RBFOX1: variants seen among roughly 807,000 people sequenced by gnomAD.
The protein encoded by RBFOX1 is RNA binding fox-1 homolog 1, also known as RNA binding protein fox-1 homolog 1.
A neutral mutation model predicts 57.7 loss-of-function variants in RBFOX1; 8 were observed. That is an observed-to-expected ratio of 0.14 (90% CI 0.08 to 0.25). The LOEUF is 0.25. RBFOX1 is among the 10% of genes least tolerant of loss of function. The probability of loss-of-function intolerance (pLI) is 1.00; values close to 1 mark genes in which losing one functional copy is unlikely to be tolerated. For missense variants in RBFOX1, 611 were observed against 548.5 expected, an observed-to-expected ratio of 1.11 and a Z score of -1.14; for synonymous variants, 326 against 222.4, an observed-to-expected ratio of 1.47 and a Z score of -4.15.
At chr16:6,439,230 A>G (rs561713280) in intron 2 of RBFOX1, among the ~76,000 whole-genome samples, 2 of 152,332 alleles carry the variant, frequency 1.3e-5, no homozygotes, top group South Asian at 2.1e-4. Context: ...GGCAGGGCAG[A>G]TAGCACATCC....
intron 1 of RBFOX1, among the ~76,000 whole-genome samples, chr16:6,247,853 G>A (rs1403265178): frequency 6.6e-6 from 1 of 152,200 alleles, no homozygotes; most frequent in Non-Finnish European, 1.5e-5. Context: ...CTCTGGCTCT[G>A]ATGATAGGAA....
intron 1 of RBFOX1, among the ~76,000 whole-genome samples, chr16:6,052,739 G>C (rs959530563): frequency 4.0e-5 from 6 of 151,374 alleles, no homozygotes; most frequent in African/African-American, 7.3e-5. Context: ...AGCCGAGATC[G>C]CGCCACTGCA....
At chr16:5,928,434 G>A (rs112377408) in intron 4 of RBFOX1, among the ~76,000 whole-genome samples, 5,147 of 151,896 alleles carry the variant, frequency 0.034, 136 homozygotes, top group Admixed American at 0.05. Flanking sequence ...AAGTATGTGA[G>A]ATGATGGATA....
intron 1 of RBFOX1, among the ~76,000 whole-genome samples, chr16:6,292,464 T>A (rs1271342600): frequency 6.6e-6 from 1 of 151,966 alleles, no homozygotes; most frequent in Non-Finnish European, 1.5e-5. Flanking sequence ...AGTTCTTCAA[T>A]AATTCAGTGT....
chr16:6,375,330 C>A (rs1009525069), intron 2 of RBFOX1, among the ~76,000 whole-genome samples: 2 of 151,690 alleles, frequency 1.3e-5, no homozygotes, highest in Non-Finnish European at 2.9e-5. Flanking sequence ...TTCCCTGTGT[C>A]ATTTCTCTTT....
intron 1 of RBFOX1, among the ~76,000 whole-genome samples, chr16:6,072,357 G>C (rs1203999020): frequency 6.6e-6 from 1 of 152,096 alleles, no homozygotes; most frequent in Non-Finnish European, 1.5e-5. Context: ...TCTGTCATTG[G>C]ACACTTAGGT....
intron 2 of RBFOX1, among the ~76,000 whole-genome samples, chr16:6,526,893 G>A (rs796595010): frequency 1.0e-4 from 15 of 145,322 alleles, no homozygotes; most frequent in African/African-American, 3.6e-4. Flanking sequence ...TAAGAGGTAG[G>A]TATTATTACT....
chr16:7,308,340 C>T (rs2096241079), intron 4 of RBFOX1, among the ~76,000 whole-genome samples: 1 of 145,038 alleles, frequency 6.9e-6, no homozygotes, highest in African/African-American at 2.5e-5. Flanking sequence ...GAAAGAGGAT[C>T]AGTAGCATAT....
chr16:5,782,045 A>G (rs1242282002), intron 3 of RBFOX1, among the ~76,000 whole-genome samples: 1 of 152,196 alleles, frequency 6.6e-6, no homozygotes, highest in Non-Finnish European at 1.5e-5. Context: ...CGTCTCTACT[A>G]AAAATAGAGA....
chr16:5,712,530 A>G (rs1157908592), intron 3 of RBFOX1, among the ~76,000 whole-genome samples: 1 of 152,200 alleles, frequency 6.6e-6, no homozygotes, highest in Non-Finnish European at 1.5e-5. Context: ...CTCTCAGAGA[A>G]TGACTGTTAG....
chr16:5,782,105 G>A lies in RBFOX1; in HGVS notation c.319-85198G>A, dbSNP rs573294641. ...ACATGCCTGTAGTCCCAGCTACTTG[G>A]GAGGCTGAGGCAGGAGAATCACTTG... On this transcript the variant is annotated intron_variant, in intron 3 of 19. Transcript: ENST00000641259. Among the ~76,000 whole-genome samples, 88 of 152,360 alleles carry A rather than the reference G, an allele frequency of 5.8e-4. 2 individuals are homozygous for A. The South Asian group carries it at 0.018, about 30-fold the overall frequency.
intron 3 of RBFOX1, among the ~76,000 whole-genome samples, chr16:6,762,024 A>G (rs2076683608): frequency 1.3e-5 from 2 of 152,078 alleles, no homozygotes; most frequent in South Asian, 2.1e-4. Context: ...AGGTGCTAAG[A>G]TGAAATATAG....
intron 1 of RBFOX1, among the ~76,000 whole-genome samples, chr16:5,418,420 C>G (rs905105284): frequency 6.6e-6 from 1 of 151,830 alleles, no homozygotes. Flanking sequence ...TCAGGTCCGA[C>G]GTGATCAAGT....
chr16:6,894,652 C>T (rs1273182788), intron 3 of RBFOX1, among the ~76,000 whole-genome samples: 1 of 152,154 alleles, frequency 6.6e-6, no homozygotes, highest in East Asian at 1.9e-4. Flanking sequence ...TTTATAACAG[C>T]AGGCTAGAGA....
chr16:6,490,701 A>G (rs942995674), intron 2 of RBFOX1, among the ~76,000 whole-genome samples: 1 of 152,212 alleles, frequency 6.6e-6, no homozygotes, highest in Non-Finnish European at 1.5e-5. Context: ...ATGGAGCAAT[A>G]TTAAAGTCTC....
At chr16:5,576,687 T>A (rs145851363) in intron 2 of RBFOX1, among the ~76,000 whole-genome samples, 1,716 of 152,356 alleles carry the variant, frequency 0.011, 12 homozygotes, top group Middle Eastern at 0.037. Context: ...TTGGTGCTTC[T>A]TGCCTTTCCA....
chr16:6,675,118 A>G (rs1305320098), intron 3 of RBFOX1, among the ~76,000 whole-genome samples: 1 of 151,854 alleles, frequency 6.6e-6, no homozygotes, highest in Non-Finnish European at 1.5e-5. Context: ...GTTGGCCAGG[A>G]TGGTCTCGAT....
At chr16:6,518,357 G>A (rs768055805) in intron 2 of RBFOX1, among the ~76,000 whole-genome samples, 1 of 152,146 alleles carries the variant, frequency 6.6e-6, no homozygotes, top group Non-Finnish European at 1.5e-5. Flanking sequence ...GAGATTCATG[G>A]CTCAAGGCTT....
chr16:6,797,588 CAG>C (rs2084380234), intron 3 of RBFOX1, among the ~76,000 whole-genome samples: 1 of 152,092 alleles, frequency 6.6e-6, no homozygotes, highest in African/African-American at 2.4e-5. Context: ...ATTTTCATGA[CAG>C]AAGAAATGAA....
Sources: allele counts gnomAD v4.1 joint callset (sites outside exome capture counted in the v4.1 genomes callset), GRCh38; gene constraint gnomAD v4.1.1; transcripts MANE v1.5; gene names NCBI Gene and HGNC (gene_info 2026-07-23, HGNC 2026-07-21).